The following LITAF variants were observed in gnomAD, a reference collection of about 807,000 sequenced individuals.
LITAF encodes lipopolysaccharide-induced tumor necrosis factor-alpha factor.
A neutral mutation model predicts 14.5 loss-of-function variants in LITAF; 9 were observed. The observed-to-expected ratio is 0.62, with a 90% CI of 0.37 to 1.08. The LOEUF is 1.08. Among genes scored for constraint, LITAF ranks in the 50% least tolerant of loss-of-function variants. LITAF has a pLI of 0.01. For missense variants in LITAF, 206 were observed against 213.4 expected (o/e 0.97, Z 0.22); for synonymous variants, 98 against 88.2 (o/e 1.11, Z -0.62).
intron 1 of LITAF, among the ~76,000 whole-genome samples, chr16:11,583,664 C>T (rs984278010): frequency 1.3e-5 from 2 of 152,146 alleles, no homozygotes; most frequent in African/African-American, 4.8e-5. Context: ...CTAGGAATAA[C>T]CTCATGGATT....
chr16:11,590,988 C>T (rs2064843013), upstream of LITAF, among the ~76,000 whole-genome samples: 2 of 117,582 alleles, frequency 1.7e-5, 1 homozygote, highest in Admixed American at 1.7e-4. Context: ...CTGCCTCGGC[C>T]TTCCAAATTG....
chr16:11,548,011 C>G lies in LITAF; in HGVS notation c.*1626G>C. The G allele has an allele frequency of 2.2e-6, 1 of 454,042 alleles. No individual in the cohort carries two copies. Among genetic ancestry groups the G allele is most frequent in the South Asian group, 1.6e-5 (1 of 64,466 alleles). The allele number at this position is 454,042 out of a possible 1,614,324, so 28.1% of individuals were successfully genotyped here. On this transcript the variant is annotated 3_prime_UTR_variant, in exon 4 of 4. Coordinates refer to ENST00000622633, the MANE Select transcript of LITAF (RefSeq NM_001136472.2). Reference sequence around the variant, plus strand: ...CTCATAAATAGTTCACCGGGTGAACCAAAGACTTTATTTTTCAAAAGCAGG... The same window carrying G: ...CTCATAAATAGTTCACCGGGTGAACGAAAGACTTTATTTTTCAAAAGCAGG...
chr16:11,608,413 G>A (rs1224066956), intron 3 of LITAF, among the ~76,000 whole-genome samples: 2 of 152,204 alleles, frequency 1.3e-5, no homozygotes, highest in Non-Finnish European at 1.5e-5. Context: ...GCAAAAGCCC[G>A]TAGGCAGGAA....
At chr16:11,609,212 T>TC (rs1437750141) in intron 3 of LITAF, among the ~76,000 whole-genome samples, 4 of 151,046 alleles carry the variant, frequency 2.6e-5, no homozygotes, top group Non-Finnish European at 5.9e-5. Flanking sequence ...TAGTAGACTT[T>TC]TTTTTTTTTT....
chr16:11,559,159 G>C (rs1307550005), intron 1 of LITAF, among the ~76,000 whole-genome samples: 1 of 152,134 alleles, frequency 6.6e-6, no homozygotes, highest in Non-Finnish European at 1.5e-5. Context: ...AGGAGGCTGA[G>C]GTAGGAGGAT....
chr16:11,556,727 A>ACATTTTAC lies in LITAF; in HGVS notation c.-5_3dup (p.Ser2ValfsTer50). The ACATTTTAC allele has an allele frequency of 6.2e-7, 1 of 1,613,932 alleles. No individual in the cohort carries two copies. The highest frequency in any genetic ancestry group is 1.3e-5 in the African/African-American group (1 of 75,034). ...GCCGCCTGGTAAGGTCCTGGAACCGACATTTTACCTAAAACAGAAACAGAA... is the reference window on the plus strand; with the variant it reads ...GCCGCCTGGTAAGGTCCTGGAACCGACATTTTACCATTTTACCTAAAACAGAAACAGAA... On this transcript the variant is annotated frameshift_variant, in exon 2 of 4. Transcript: ENST00000622633. LOFTEE classifies it high-confidence loss of function.
intron 2 of LITAF, among the ~76,000 whole-genome samples, chr16:11,555,906 G>A (rs971389051): frequency 1.3e-5 from 2 of 152,190 alleles, no homozygotes; most frequent in African/African-American, 4.8e-5. Flanking sequence ...TGAGGCACAA[G>A]GAGGTTATGT....
chr16:11,579,502 A>G lies in LITAF; in HGVS notation c.-6+7384T>C, dbSNP rs1194524553. On this transcript the variant is annotated intron_variant, in intron 1 of 3. Transcript: ENST00000622633. ...AATAAAATAAAATAAAATAAAATAA[A>G]ATAAAATAAAATAAAATAAAATAAA... Among the ~76,000 whole-genome samples the G allele has an allele frequency of 1.5e-5, 2 of 137,368 alleles. 1 individual carries two copies. Among genetic ancestry groups the G allele is most frequent in the Non-Finnish European group, 3.2e-5 (2 of 62,228 alleles). 90.1% of individuals were successfully genotyped at this position (137,368 alleles called of 152,430 possible).
upstream of LITAF, among the ~76,000 whole-genome samples, chr16:11,592,140 A>G (rs1460942104): frequency 1.3e-5 from 2 of 152,256 alleles, no homozygotes; most frequent in African/African-American, 4.8e-5. Flanking sequence ...GCCCAAGGAC[A>G]CTATCAGGAG....
chr16:11,549,180 A>G lies in LITAF; in HGVS notation c.*457T>C, dbSNP rs895526435. The G allele has an allele frequency of 4.4e-6, 2 of 454,212 alleles. No homozygotes were observed. The highest frequency in any genetic ancestry group is 2.4e-5 in the Admixed American group (1 of 42,544). The allele number at this position is 454,212 out of a possible 1,614,324, so 28.1% of individuals were successfully genotyped here. ...TGTCATCAGGGACGGGAAGAGACGGATAAGATAATGGTAGGCACTAAAGGC... is the reference window on the plus strand; with the variant it reads ...TGTCATCAGGGACGGGAAGAGACGGGTAAGATAATGGTAGGCACTAAAGGC... On this transcript the variant is annotated 3_prime_UTR_variant, in exon 4 of 4. Coordinates refer to ENST00000622633, the MANE Select transcript of LITAF (RefSeq NM_001136472.2). This position sits in a 1 kb window ranked among gnomAD's most constrained non-coding sequence, Gnocchi z 4.6.
chr16:11,555,006 T>C (rs1251185495), intron 2 of LITAF, among the ~76,000 whole-genome samples: 1 of 152,104 alleles, frequency 6.6e-6, no homozygotes, highest in Non-Finnish European at 1.5e-5. Flanking sequence ...AAAAGTAGTA[T>C]TAAATCATAC....
rs1261998181 is a variant in LITAF at position 11,548,241 on chromosome 16, C to A, written c.*1396G>T. On this transcript the variant is annotated 3_prime_UTR_variant, in exon 4 of 4. Transcript: ENST00000622633. ...TCTGAAGTATTATCAAAACGAGGAC[C>A]CTTGAAGGTCGAGCCCAGCTTTGTC... is the stretch of plus-strand genomic sequence containing the variant. 2 of 454,008 alleles carry A rather than the reference C, an allele frequency of 4.4e-6. No homozygotes were observed. Among genetic ancestry groups the A allele is most frequent in the Non-Finnish European group, 8.8e-6 (2 of 226,786 alleles). 28.1% of individuals were successfully genotyped at this position (454,008 alleles called of 1,614,324 possible). A position where few individuals can be genotyped will look rare whatever the true frequency, so the allele number is the denominator to read the frequency against.
rs200314114 is a variant in LITAF at position 11,631,788 on chromosome 16, G to A, written c.85+1745C>T. Among the ~76,000 whole-genome samples the A allele has an allele frequency of 1.1e-4, 16 of 152,192 alleles. 1 individual carries two copies. The East Asian group carries it at 1.4e-3, about 13-fold the overall frequency. ...GGGTTTAGAACCCACCCTAAATCCA[G>A]GATGATCTCATCTCGAGATTCTTAA... On this transcript the variant is annotated intron_variant, in intron 3 of 3. Transcript: ENST00000574848.
At chr16:11,576,841 G>C (rs925435601) in intron 1 of LITAF, among the ~76,000 whole-genome samples, 8 of 152,138 alleles carry the variant, frequency 5.3e-5, no homozygotes, top group African/African-American at 1.9e-4. Context: ...ACCTTATTTG[G>C]GAGTCTTCTA....
intron 1 of LITAF, among the ~76,000 whole-genome samples, chr16:11,566,554 AG>A (rs1314724350): frequency 2.6e-5 from 4 of 152,340 alleles, no homozygotes; most frequent in Admixed American, 2.6e-4. Flanking sequence ...GCTTGAGCCT[AG>A]AAGTTCGAGA....
chr16:11,562,598 C>T (rs997099615), intron 1 of LITAF, among the ~76,000 whole-genome samples: 1 of 152,096 alleles, frequency 6.6e-6, no homozygotes, highest in African/African-American at 2.4e-5. Context: ...ACAATTTGCT[C>T]AACGAAAGGT....
At chr16:11,576,907 G>C (rs552573890) in intron 1 of LITAF, among the ~76,000 whole-genome samples, 1 of 152,316 alleles carries the variant, frequency 6.6e-6, no homozygotes, top group South Asian at 2.1e-4. Flanking sequence ...TAGTCCAACT[G>C]TCTGTCTTTG....
At chr16:11,568,166 C>T (rs1288726737) in intron 1 of LITAF, among the ~76,000 whole-genome samples, 3 of 151,494 alleles carry the variant, frequency 2.0e-5, no homozygotes, top group Admixed American at 6.6e-5. Context: ...TATGCACCTG[C>T]AGTCCAAGCT....
intron 3 of LITAF, among the ~76,000 whole-genome samples, chr16:11,609,498 G>A (rs1322336056): frequency 2.0e-5 from 3 of 152,176 alleles, no homozygotes; most frequent in African/African-American, 4.8e-5. Context: ...ACAGGCGTGA[G>A]CCACCGTGCC....
Sources: gnomAD v4.1 joint callset for allele counts (sites outside exome capture counted in the v4.1 genomes callset) on GRCh38, gnomAD v4.1.1 for gene constraint, Gnocchi (gnomAD v3.1) non-coding constraint, MANE v1.5 for transcripts, NCBI Gene and HGNC (gene_info 2026-07-23, HGNC 2026-07-21) for gene names.